FARS2: variants seen among roughly 807,000 people sequenced by gnomAD.
The protein encoded by FARS2 is phenylalanine--tRNA ligase, mitochondrial.
FARS2 carries 40 observed loss-of-function variants against 46.4 expected under a neutral mutation model. The observed-to-expected ratio is 0.86, with a 90% CI of 0.67 to 1.12. The LOEUF is 1.12. Among genes scored for constraint, FARS2 ranks in the 50% most tolerant of loss-of-function variants. FARS2 has a pLI of 0.00. For missense variants in FARS2, 513 were observed against 567.9 expected, an observed-to-expected ratio of 0.90 and a Z score of 0.98; for synonymous variants, 234 against 214.9, an observed-to-expected ratio of 1.09 and a Z score of -0.78.
intron 5 of FARS2, chr6:5,609,461 G>A: frequency 8.2e-7 from 1 of 1,218,796 alleles, no homozygotes; most frequent in South Asian, 1.2e-5. Flanking sequence ...ATCCATTATA[G>A]CCATCCGCCC....
rs1222826575 is a variant in FARS2, at chr6:5,656,557, G to GT, written c.1217+43247dup. On this transcript the variant is annotated intron_variant, in intron 6 of 6. Transcript: ENST00000274680. ...ATGTTTCTCCTTAACCTTGTTCTTT[G>GT]TTTTTTTTTTGGAGACAGAGTCTCG... Among the ~76,000 whole-genome samples, 122 of 63,356 alleles carry GT rather than the reference G, an allele frequency of 1.9e-3. 2 individuals carry two copies. Among genetic ancestry groups the GT allele is most frequent in the Admixed American group, 2.4e-3 (14 of 5,906 alleles). 41.6% of individuals were successfully genotyped at this position (63,356 alleles called of 152,430 possible).
upstream of FARS2, among the ~76,000 whole-genome samples, chr6:5,257,472 G>A (rs1409189202): frequency 3.3e-5 from 5 of 152,182 alleles, no homozygotes; most frequent in Non-Finnish European, 1.5e-5. Flanking sequence ...GATAACAGGT[G>A]CCTAGCTTAG....
intron 4 of FARS2, among the ~76,000 whole-genome samples, chr6:5,522,681 A>C (rs1483216060): frequency 6.6e-6 from 1 of 152,254 alleles, no homozygotes; most frequent in Non-Finnish European, 1.5e-5. Flanking sequence ...TGGCTAAAAG[A>C]TGCATTGGAT....
chr6:5,336,759 T>A lies in FARS2; in HGVS notation c.-21-31791T>A, dbSNP rs187484364. Among the ~76,000 whole-genome samples, 341 of 152,266 alleles carry A rather than the reference T, an allele frequency of 2.2e-3. 1 individual carries two copies. Among genetic ancestry groups the A allele is most frequent in the African/African-American group, 7.9e-3 (327 of 41,576 alleles). On this transcript the variant is annotated intron_variant, in intron 1 of 6. Coordinates refer to ENST00000274680, the MANE Select transcript of FARS2 (RefSeq NM_006567.5). The stretch of plus-strand genomic sequence containing the variant: ...ATTCATTCTTCCTATTTTTTCAGAT[T>A]AGTTTTTGAAAGAAAATATATGCGT...
chr6:5,581,675 T>A (rs937246860), intron 5 of FARS2, among the ~76,000 whole-genome samples: 8 of 152,216 alleles, frequency 5.3e-5, no homozygotes, highest in African/African-American at 4.8e-5. Context: ...CGTTGGGACA[T>A]GGAGTGGTTC....
At chr6:5,469,079 C>A (rs991540941) in intron 4 of FARS2, among the ~76,000 whole-genome samples, 1 of 152,182 alleles carries the variant, frequency 6.6e-6, no homozygotes, top group Non-Finnish European at 1.5e-5. Context: ...GAAAAGGGCT[C>A]GAGACTGACA....
At chr6:5,621,275 A>G (rs1775762861) in intron 6 of FARS2, among the ~76,000 whole-genome samples, 2 of 150,290 alleles carry the variant, frequency 1.3e-5, no homozygotes, top group African/African-American at 4.9e-5. Flanking sequence ...TTTTTAATAG[A>G]GATGGAGGTC....
chr6:5,340,443 A>G (rs1425147367), intron 1 of FARS2, among the ~76,000 whole-genome samples: 1 of 152,182 alleles, frequency 6.6e-6, no homozygotes, highest in Non-Finnish European at 1.5e-5. Context: ...TTTCATTCCT[A>G]AGGTCTCAGA....
At chr6:5,490,838 G>A (rs1767061902) in intron 4 of FARS2, among the ~76,000 whole-genome samples, 1 of 152,210 alleles carries the variant, frequency 6.6e-6, no homozygotes, top group African/African-American at 2.4e-5. Flanking sequence ...AGCTATGTGA[G>A]TGAGCTTGGA....
intron 3 of FARS2, among the ~76,000 whole-genome samples, chr6:5,414,007 TA>T (rs1205613561): frequency 2.0e-5 from 3 of 152,194 alleles, no homozygotes; most frequent in Admixed American, 2.0e-4. Flanking sequence ...AAATATACCC[TA>T]AATGATGTCA....
rs893746036 is a variant in FARS2 at position 5,483,673 on chromosome 6, T to A, written c.904+52501T>A. Among the ~76,000 whole-genome samples, 6 of 151,012 alleles carry A rather than the reference T, an allele frequency of 4.0e-5. No homozygotes were observed. The South Asian group carries it at 6.3e-4, about 16-fold the overall frequency. The stretch of plus-strand genomic sequence containing the variant: ...CAGAGTGAGACTCTGTCTCAAAAAA[T>A]AAATAAATAAATAAATAATAAAAAT... On this transcript the variant is annotated intron_variant, in intron 4 of 6. Coordinates refer to ENST00000274680, the MANE Select transcript of FARS2 (RefSeq NM_006567.5).
At chr6:5,450,735 A>C (rs1764440451) in intron 4 of FARS2, among the ~76,000 whole-genome samples, 1 of 152,140 alleles carries the variant, frequency 6.6e-6, no homozygotes, top group South Asian at 2.1e-4. Flanking sequence ...CAGCCTGTTC[A>C]AAGGTTGAGG....
intron 2 of FARS2, among the ~76,000 whole-genome samples, chr6:5,400,710 T>G (rs1761206488): frequency 6.6e-6 from 1 of 152,010 alleles, no homozygotes; most frequent in Admixed American, 6.6e-5. Flanking sequence ...TTTTTAGGTC[T>G]TTTATCTTAT....
intron 3 of FARS2, among the ~76,000 whole-genome samples, chr6:5,423,505 A>G (rs1173559219): frequency 6.6e-6 from 1 of 152,144 alleles, no homozygotes; most frequent in Non-Finnish European, 1.5e-5. Flanking sequence ...AAGCAGAAGA[A>G]TAATAGCTGT....
chr6:5,634,491 G>T (rs984758953), intron 6 of FARS2, among the ~76,000 whole-genome samples: 3 of 151,902 alleles, frequency 2.0e-5, no homozygotes, highest in Non-Finnish European at 2.9e-5. Context: ...TGGTTTTTTT[G>T]TAGAGATGAG....
chr6:5,748,850 G>A (rs1761785445), intron 6 of FARS2, among the ~76,000 whole-genome samples: 2 of 152,244 alleles, frequency 1.3e-5, no homozygotes, highest in African/African-American at 2.4e-5. Flanking sequence ...GCCTGCAACT[G>A]TAAAAGATTG....
intron 3 of FARS2, among the ~76,000 whole-genome samples, chr6:5,414,879 G>A (rs952494874): frequency 7.2e-6 from 1 of 139,620 alleles, no homozygotes; most frequent in African/African-American, 2.7e-5. Flanking sequence ...GCAGCATCGC[G>A]ATCTCGGCTC....
At chr6:5,316,312 T>C (rs1362831104) in intron 1 of FARS2, among the ~76,000 whole-genome samples, 2 of 152,200 alleles carry the variant, frequency 1.3e-5, no homozygotes, top group Non-Finnish European at 2.9e-5. Context: ...AAACATATGT[T>C]TTGGAAGTTG....
At chr6:5,723,758 A>G (rs774578506) in intron 6 of FARS2, among the ~76,000 whole-genome samples, 2 of 152,238 alleles carry the variant, frequency 1.3e-5, no homozygotes, top group Non-Finnish European at 2.9e-5. Flanking sequence ...TTTTTATCTT[A>G]TATGATTGTT....
Sources: gnomAD v4.1 joint callset for allele counts (sites outside exome capture counted in the v4.1 genomes callset) on GRCh38, gnomAD v4.1.1 for gene constraint, MANE v1.5 for transcripts, NCBI Gene and HGNC (gene_info 2026-07-23, HGNC 2026-07-21) for gene names.